Variants in SERPINI1 observed in about 807,000 individuals in gnomAD.
SERPINI1 encodes the protein neuroserpin.
In SERPINI1, 19 loss-of-function variants were observed where a neutral mutation model predicts 41.1. That is an observed-to-expected ratio of 0.46 (90% CI 0.32 to 0.68). The LOEUF is 0.68. SERPINI1 is among the 30% of genes least tolerant of loss of function. The probability of loss-of-function intolerance (pLI) is 0.03; values close to 1 mark genes in which losing one functional copy is unlikely to be tolerated. For missense variants in SERPINI1, 460 were observed against 479.2 expected (o/e 0.96, Z 0.37); for synonymous variants, 138 against 156.6 (o/e 0.88, Z 0.89).
chr3:167,753,919 G>C (rs1577400702), intron 1 of SERPINI1, among the ~76,000 whole-genome samples: 1 of 152,304 alleles, frequency 6.6e-6, no homozygotes, highest in East Asian at 1.9e-4. Flanking sequence ...TTGATAGAGT[G>C]TCTCTCTGGA....
rs1247937935 is a variant in SERPINI1 at position 167,794,504 on chromosome 3, G to T, written c.677-116G>T. ...CTTTAGTGGTGATTTGTGAGATTTTGTTGCACAAGTACCTGAGCAGTGTAC... is the reference window on the plus strand; with the variant it reads ...CTTTAGTGGTGATTTGTGAGATTTTTTTGCACAAGTACCTGAGCAGTGTAC... On this transcript the variant is annotated intron_variant, in intron 4 of 8. Coordinates refer to ENST00000446050, the MANE Select transcript of SERPINI1 (RefSeq NM_001122752.2). The T allele has an allele frequency of 2.0e-5, 14 of 714,870 alleles. 1 individual carries two copies. Among genetic ancestry groups the T allele is most frequent in the African/African-American group, 3.6e-5 (2 of 55,752 alleles). 44.3% of individuals were successfully genotyped at this position (714,870 alleles called of 1,614,324 possible).
intron 1 of SERPINI1, among the ~76,000 whole-genome samples, chr3:167,764,384 A>G (rs1726490375): frequency 1.3e-5 from 2 of 152,172 alleles, no homozygotes; most frequent in South Asian, 2.1e-4. Flanking sequence ...CATATCTTAC[A>G]TGGATGGCAG....
chr3:167,747,532 T>C (rs1343539274), intron 1 of SERPINI1, among the ~76,000 whole-genome samples: 1 of 152,124 alleles, frequency 6.6e-6, no homozygotes, highest in Non-Finnish European at 1.5e-5. Context: ...TGGTTCCAGC[T>C]ACTCGAGAGG....
intron 6 of SERPINI1, among the ~76,000 whole-genome samples, chr3:167,820,334 C>G (rs1055147725): frequency 5.3e-5 from 8 of 152,226 alleles, no homozygotes; most frequent in Non-Finnish European, 1.0e-4. Flanking sequence ...AGCCTGCCCC[C>G]TTCTGAGTTG....
At chr3:167,814,021 T>C (rs1389501417) in intron 6 of SERPINI1, among the ~76,000 whole-genome samples, 1 of 152,182 alleles carries the variant, frequency 6.6e-6, no homozygotes, top group Non-Finnish European at 1.5e-5. Flanking sequence ...TTTGTATTCC[T>C]TCATTCTCAG....
intron 2 of SERPINI1, 64 bp from the exon 3 acceptor site, chr3:167,790,307 TC>T: frequency 8.2e-7 from 1 of 1,224,370 alleles, no homozygotes; most frequent in Non-Finnish European, 1.2e-6. Flanking sequence ...TTAATGCTCC[TC>T]CACTCTCCTT....
chr3:167,748,748 TACTC>T lies in SERPINI1; in HGVS notation c.-19+12926_-19+12929del, dbSNP rs1203394566. 1.7e-4 allele frequency among the ~76,000 whole-genome samples: 20 copies of T among 116,874 alleles called. No individual in the cohort carries two copies. The South Asian group carries it at 5.1e-3, about 30-fold the overall frequency. The allele number at this position is 116,874 out of a possible 152,430, so 76.7% of individuals were successfully genotyped here. A position where few individuals can be genotyped will look rare whatever the true frequency, so the allele number is the denominator to read the frequency against. ...AGCACACAGGTAAGACAGAGTGTGTTACTCTGTGTGTGTGTGTGTGTGTGTGTGT... is the reference window on the plus strand; with the variant it reads ...AGCACACAGGTAAGACAGAGTGTGTTTGTGTGTGTGTGTGTGTGTGTGTGT... On this transcript the variant is annotated intron_variant, in intron 1 of 8. Coordinates refer to ENST00000446050, the MANE Select transcript of SERPINI1 (RefSeq NM_001122752.2).
At chr3:167,768,013 T>G (rs1230034581) in intron 1 of SERPINI1, among the ~76,000 whole-genome samples, 2 of 152,168 alleles carry the variant, frequency 1.3e-5, no homozygotes, top group Admixed American at 6.5e-5. Context: ...ATGGTAGGGT[T>G]TGAGAGGACT....
At chr3:167,801,707 A>C (rs545574525) in intron 5 of SERPINI1, among the ~76,000 whole-genome samples, 1 of 152,080 alleles carries the variant, frequency 6.6e-6, no homozygotes, top group South Asian at 2.1e-4. Flanking sequence ...CATAGTAAGC[A>C]CTCAATATAT....
intron 6 of SERPINI1, among the ~76,000 whole-genome samples, chr3:167,818,385 A>T (rs1326653224): frequency 6.6e-6 from 1 of 152,198 alleles, no homozygotes; most frequent in East Asian, 1.9e-4. Flanking sequence ...TATCTATCAA[A>T]ACTTATCAAA....
intron 5 of SERPINI1, among the ~76,000 whole-genome samples, chr3:167,798,013 T>C (rs902984367): frequency 3.3e-5 from 5 of 152,110 alleles, no homozygotes; most frequent in Admixed American, 3.3e-4. Flanking sequence ...ATTAAATCCA[T>C]GAATTAAGTG....
Position 167,807,323 on chromosome 3 carries a change from A to C in SERPINI1, c.961A>C (p.Asn321His). 1 of 1,606,958 alleles carries C rather than the reference A, an allele frequency of 6.2e-7. No homozygotes were observed. The highest frequency in any genetic ancestry group is 8.5e-7 in the Non-Finnish European group (1 of 1,173,898). The part of the protein sequence containing the change: ...GITEIFIKDA[N>H]LTGLSDNKEI... ...AACTGAAATTTTCATCAAAGATGCA[A>C]ATTTGACAGGCCTCTCTGGTAAGAA... The change falls in exon 6 of 9, where the codon AAT becomes CAT. Residue 321 changes from asparagine to histidine, a missense_variant. Transcript: ENST00000446050.
At chr3:167,737,084 T>C (rs373509838) in intron 1 of SERPINI1, among the ~76,000 whole-genome samples, 2 of 152,224 alleles carry the variant, frequency 1.3e-5, no homozygotes, top group African/African-American at 4.8e-5. Context: ...TTTCCTGAGT[T>C]CTCGGGATTT....
chr3:167,814,409 CT>C (rs1309123175), intron 6 of SERPINI1, among the ~76,000 whole-genome samples: 1 of 152,176 alleles, frequency 6.6e-6, no homozygotes, highest in African/African-American at 2.4e-5. Flanking sequence ...ATTCTAGGAA[CT>C]TTTATAAATT....
At chr3:167,772,966 GTGTATATATA>G (rs71176659) in intron 1 of SERPINI1, among the ~76,000 whole-genome samples, 1 of 133,630 alleles carries the variant, frequency 7.5e-6, no homozygotes, top group African/African-American at 2.9e-5. Context: ...ATGTATATGT[GTGTATATATA>G]TGTATATATA....
At chr3:167,807,491 A>G (rs1387320461) in intron 6 of SERPINI1, 150 bp downstream of exon 6, 2 of 617,342 alleles carry the variant, frequency 3.2e-6, no homozygotes, top group Non-Finnish European at 5.7e-6. Context: ...TTTAACCTCT[A>G]CAAGCAAAAC....
chr3:167,794,522 C>T (rs1727649149), intron 4 of SERPINI1, 98 bp from the exon 5 acceptor site: 1 of 925,962 alleles, frequency 1.1e-6, no homozygotes. Context: ...AGTACCTGAG[C>T]AGTGTACACT....
chr3:167,743,931 C>T (rs896189354), intron 1 of SERPINI1, among the ~76,000 whole-genome samples: 1 of 152,004 alleles, frequency 6.6e-6, no homozygotes, highest in Non-Finnish European at 1.5e-5. Flanking sequence ...AGTCACACTA[C>T]CTTGTTTTAT....
chr3:167,817,970 C>T (rs7640380), intron 6 of SERPINI1, among the ~76,000 whole-genome samples: 46,251 of 151,822 alleles, frequency 0.3, 8,928 homozygotes, highest in African/African-American at 0.55. Flanking sequence ...CAAAATTATT[C>T]GCATAAAAAA....
Sources: gnomAD v4.1 joint callset for allele counts (sites outside exome capture counted in the v4.1 genomes callset) on GRCh38, gnomAD v4.1.1 for gene constraint, MANE v1.5 for transcripts, NCBI Gene and HGNC (gene_info 2026-07-23, HGNC 2026-07-21) for gene names.